PTPN13: variants seen among roughly 807,000 people sequenced by gnomAD.
PTPN13 encodes the protein protein tyrosine phosphatase non-receptor type 13.
In PTPN13, 191 loss-of-function variants were observed where a neutral mutation model predicts 284.0. The ratio of observed to expected loss-of-function variants is 0.67; its 90% CI spans 0.60 to 0.76. The LOEUF (loss-of-function observed/expected upper bound fraction) is 0.76, where lower values mean the gene tolerates loss of function less well. PTPN13 is among the 30% of genes least tolerant of loss of function. The pLI is 0.00. For synonymous variants in PTPN13, 986 were observed against 1,022.3 expected, an observed-to-expected ratio of 0.96 and a Z score of 0.68; for missense variants, 2,797 against 2,939.9, an observed-to-expected ratio of 0.95 and a Z score of 1.12.
chr4:86,653,312 A>G (rs1725318924), intron 2 of PTPN13, among the ~76,000 whole-genome samples: 1 of 152,022 alleles, frequency 6.6e-6, no homozygotes, highest in African/African-American at 2.4e-5. Context: ...ATGTTCATTG[A>G]TGTCTGGGCA....
At chr4:86,628,607 G>A (rs1490511128) in intron 1 of PTPN13, among the ~76,000 whole-genome samples, 4 of 130,056 alleles carry the variant, frequency 3.1e-5, no homozygotes, top group Admixed American at 1.6e-4. Flanking sequence ...ACCCACTAAC[G>A]TGTCATCTAG....
At position 86,594,507 on chromosome 4, in the gene PTPN13, G is replaced by C. The variant is rs1763399694; in HGVS notation, c.-288G>C. On this transcript the variant is annotated 5_prime_UTR_variant, in exon 1 of 48. Transcript: ENST00000411767. The stretch of plus-strand genomic sequence containing the variant: ...TCTTGGAGAGGCGTCGAGCACAGTA[G>C]GGCGGCGGGGGTGCGTTGAGCGCTC... 1 of 152,522 alleles carries C rather than the reference G, an allele frequency of 6.6e-6. No individual in the cohort carries two copies. The highest frequency in any genetic ancestry group is 2.4e-5 in the African/African-American group (1 of 41,468). The allele number at this position is 152,522 out of a possible 1,614,324, so 9.4% of individuals were successfully genotyped here. A position where few individuals can be genotyped will look rare whatever the true frequency, so the allele number is the denominator to read the frequency against.
rs547682248 is a variant in PTPN13, at chr4:86,785,457, GTTC to G, written c.6256+97_6256+99del. On this transcript the variant is annotated intron_variant, in intron 39 of 47. Transcript: ENST00000411767. The stretch of plus-strand genomic sequence containing the variant: ...TTTTGAGTAAATATGTAATGCATTA[GTTC>G]TTCTTCTGTTCCTCATTCATGTGTA... 30 of 1,128,894 alleles carry G rather than the reference GTTC, an allele frequency of 2.7e-5. No individual in the cohort carries two copies. The South Asian group carries it at 4.0e-4, about 15-fold the overall frequency. The allele number at this position is 1,128,894 out of a possible 1,614,324, so 69.9% of individuals were successfully genotyped here.
intron 3 of PTPN13, among the ~76,000 whole-genome samples, chr4:86,683,245 C>T (rs1729093689): frequency 6.6e-6 from 1 of 151,858 alleles, no homozygotes. Flanking sequence ...GCTCCAAGAT[C>T]CTCAGGATGA....
intron 1 of PTPN13, among the ~76,000 whole-genome samples, chr4:86,611,866 T>G (rs1016222932): frequency 6.6e-6 from 1 of 152,172 alleles, no homozygotes; most frequent in Non-Finnish European, 1.5e-5. Context: ...TATTCAACAT[T>G]ACATGCATGT....
chr4:86,646,733 A>G (rs759966927), intron 2 of PTPN13, among the ~76,000 whole-genome samples: 1 of 152,240 alleles, frequency 6.6e-6, no homozygotes, highest in African/African-American at 2.4e-5. Flanking sequence ...AAGAGATGAA[A>G]CTGTGTGTCC....
chr4:86,607,276 T>C (rs1468333801), intron 1 of PTPN13, among the ~76,000 whole-genome samples: 1 of 151,910 alleles, frequency 6.6e-6, no homozygotes, highest in African/African-American at 2.4e-5. Context: ...AAGATATCTA[T>C]GATGTCTATA....
chr4:86,806,873 G>C (rs1744717065), intron 44 of PTPN13, among the ~76,000 whole-genome samples: 1 of 152,166 alleles, frequency 6.6e-6, no homozygotes, highest in Admixed American at 6.5e-5. Flanking sequence ...TATAACCTCA[G>C]TGAATGATAG....
At chr4:86,674,937 G>A (rs1173233224) in intron 3 of PTPN13, among the ~76,000 whole-genome samples, 1 of 152,100 alleles carries the variant, frequency 6.6e-6, no homozygotes, top group Non-Finnish European at 1.5e-5. Flanking sequence ...ATTGGAAATA[G>A]GTATAGTATG....
At chr4:86,692,812 G>C (rs562392683) in intron 5 of PTPN13, among the ~76,000 whole-genome samples, 3 of 152,134 alleles carry the variant, frequency 2.0e-5, no homozygotes, top group Non-Finnish European at 4.4e-5. Flanking sequence ...AGGCATAGTG[G>C]ATCACGCCTG....
intron 2 of PTPN13, among the ~76,000 whole-genome samples, chr4:86,635,963 A>G (rs1722966928): frequency 6.6e-6 from 1 of 152,174 alleles, no homozygotes; most frequent in Admixed American, 6.5e-5. Flanking sequence ...ACTCCTCTCA[A>G]AAAATAAATA....
intron 20 of PTPN13, among the ~76,000 whole-genome samples, chr4:86,753,522 G>T (rs1737627219): frequency 6.6e-6 from 1 of 151,890 alleles, no homozygotes; most frequent in Non-Finnish European, 1.5e-5. Context: ...GGCATGTGGG[G>T]GCCAGGGTAA....
chr4:86,613,781 C>G (rs1047342864), intron 1 of PTPN13, among the ~76,000 whole-genome samples: 1 of 152,044 alleles, frequency 6.6e-6, no homozygotes, highest in Non-Finnish European at 1.5e-5. Flanking sequence ...AGACATTTCC[C>G]CTCATTTATC....
chr4:86,732,491 A>C lies in PTPN13; in HGVS notation c.1683+17A>C, dbSNP rs764271799. ...TCTATTCTTGTAAGTAATAAAACCA[A>C]TTTGTGTCACTCTTAGAAAATAATT... On this transcript the variant is annotated intron_variant, in intron 11 of 47. Transcript: ENST00000411767. The C allele has an allele frequency of 6.3e-7, 1 of 1,594,766 alleles. No homozygotes were observed. Among genetic ancestry groups the C allele is most frequent in the East Asian group, 2.2e-5 (1 of 44,504 alleles).
At chr4:86,692,199 A>C (rs1730099506) in intron 5 of PTPN13, among the ~76,000 whole-genome samples, 1 of 152,242 alleles carries the variant, frequency 6.6e-6, no homozygotes, top group South Asian at 2.1e-4. Context: ...AACAACAGTT[A>C]TTAATAGTAA....
At chr4:86,704,412 G>A (rs1334263649) in intron 7 of PTPN13, among the ~76,000 whole-genome samples, 1 of 151,772 alleles carries the variant, frequency 6.6e-6, no homozygotes, top group Non-Finnish European at 1.5e-5. Context: ...AATATATTTC[G>A]TTTGTTTTTC....
At chr4:86,646,059 T>C (rs941297476) in intron 2 of PTPN13, among the ~76,000 whole-genome samples, 3 of 151,984 alleles carry the variant, frequency 2.0e-5, no homozygotes, top group Non-Finnish European at 2.9e-5. Flanking sequence ...CAATGAATGG[T>C]GCTGTAATAA....
intron 1 of PTPN13, among the ~76,000 whole-genome samples, chr4:86,611,916 G>T (rs190803841): frequency 2.0e-5 from 3 of 152,144 alleles, no homozygotes; most frequent in Non-Finnish European, 4.4e-5. Context: ...CCACACAAAA[G>T]GATTCAAAGA....
Position 86,657,388 on chromosome 4 carries a change from C to T in PTPN13, c.116-14977C>T, listed in dbSNP as rs562528617. ...TGCCCTCACTGCAACTCTTGCAGAC[C>T]CCTAAATACACTGCCTTGGTGAACT... On this transcript the variant is annotated intron_variant, in intron 2 of 47. Coordinates refer to ENST00000411767, the MANE Select transcript of PTPN13 (RefSeq NM_080683.3). Among the ~76,000 whole-genome samples the T allele has an allele frequency of 2.0e-5, 3 of 152,276 alleles. No individual in the cohort carries two copies. The Middle Eastern group carries it at 0.01, about 518-fold the overall frequency.
Sources: gnomAD v4.1 joint callset for allele counts (sites outside exome capture counted in the v4.1 genomes callset) on GRCh38, gnomAD v4.1.1 for gene constraint, MANE v1.5 for transcripts, NCBI Gene and HGNC (gene_info 2026-07-23, HGNC 2026-07-21) for gene names.